PGCKA1: variants seen among roughly 807,000 people sequenced by gnomAD.
PGCKA1 encodes the protein PDCD10 and GCKIII kinases-associated protein 1.
the PGCKA1 span, among the ~76,000 whole-genome samples, chr4:37,564,787 G>A: frequency 1.5e-4 from 23 of 152,090 alleles, no homozygotes; most frequent in Non-Finnish European, 4.4e-5. Context: ...GATTAAAGGT[G>A]CGAGCCACTG....
At chr4:37,468,049 G>A in the PGCKA1 span, among the ~76,000 whole-genome samples, 2 of 152,326 alleles carry the variant, frequency 1.3e-5, no homozygotes, top group East Asian at 3.9e-4. Flanking sequence ...TGGGTTCAGG[G>A]CATGTCAGTA....
chr4:37,591,499 A>G, the PGCKA1 span: 1 of 152,930 alleles, frequency 6.5e-6, no homozygotes, highest in Non-Finnish European at 1.5e-5. Flanking sequence ...GCATGGCTTA[A>G]CTTCAGGGAC....
chr4:37,500,109 A>G, the PGCKA1 span, among the ~76,000 whole-genome samples: 3 of 151,796 alleles, frequency 2.0e-5, no homozygotes, highest in Admixed American at 2.0e-4. Flanking sequence ...CATTTTTAGT[A>G]GAGACAGGGT....
At chr4:37,456,939 A>G in the PGCKA1 span, among the ~76,000 whole-genome samples, 2 of 152,262 alleles carry the variant, frequency 1.3e-5, no homozygotes, top group Non-Finnish European at 2.9e-5. Context: ...GTAAGAACCC[A>G]TTAATTGACT....
At chr4:37,533,374 T>C in the PGCKA1 span, among the ~76,000 whole-genome samples, 1 of 152,224 alleles carries the variant, frequency 6.6e-6, no homozygotes, top group African/African-American at 2.4e-5. Context: ...ACTTCTACCC[T>C]GTACCACTCT....
the PGCKA1 span, among the ~76,000 whole-genome samples, chr4:37,491,683 C>T: frequency 3.9e-5 from 6 of 152,100 alleles, no homozygotes; most frequent in African/African-American, 1.4e-4. Context: ...ACTGGGCACT[C>T]AGTGGTCCTT....
the PGCKA1 span, among the ~76,000 whole-genome samples, chr4:37,526,488 A>G: frequency 6.6e-6 from 1 of 151,920 alleles, no homozygotes; most frequent in African/African-American, 2.4e-5. Flanking sequence ...TTCTCATATC[A>G]ATTCACAGCT....
the PGCKA1 span, among the ~76,000 whole-genome samples, chr4:37,468,738 G>A: frequency 8.1e-6 from 1 of 123,096 alleles, no homozygotes; most frequent in African/African-American, 2.7e-5. Context: ...TTTAGACTCT[G>A]TATACCCCCC....
chr4:37,517,980 T>A, the PGCKA1 span, among the ~76,000 whole-genome samples: 1 of 152,214 alleles, frequency 6.6e-6, no homozygotes, highest in African/African-American at 2.4e-5. Flanking sequence ...TTGTTTTGAT[T>A]TTTAGATCCC....
At chr4:37,530,248 TTTG>T in the PGCKA1 span, among the ~76,000 whole-genome samples, 108 of 152,282 alleles carry the variant, frequency 7.1e-4, no homozygotes, top group African/African-American at 2.5e-3. Context: ...TCTTCACTTT[TTTG>T]TTGTTGTTTT....
chr4:37,475,815 G>A, the PGCKA1 span, among the ~76,000 whole-genome samples: 1,231 of 151,982 alleles, frequency 8.1e-3, 22 homozygotes, highest in African/African-American at 0.029. Context: ...TTTAACTAGG[G>A]CATAAGGAAT....
the PGCKA1 span, among the ~76,000 whole-genome samples, chr4:37,491,145 C>G: frequency 6.6e-6 from 1 of 152,198 alleles, no homozygotes; most frequent in Non-Finnish European, 1.5e-5. Flanking sequence ...CCACCTTCCT[C>G]AAACCACTTT....
At chr4:37,563,320 G>C in the PGCKA1 span, among the ~76,000 whole-genome samples, 1 of 152,116 alleles carries the variant, frequency 6.6e-6, no homozygotes, top group Non-Finnish European at 1.5e-5. Flanking sequence ...TTCGATTCCC[G>C]GGAGAGCTCT....
At chr4:37,540,012 ATAAAAAT>A in the PGCKA1 span, among the ~76,000 whole-genome samples, 2 of 152,256 alleles carry the variant, frequency 1.3e-5, no homozygotes, top group African/African-American at 4.8e-5. Context: ...TGTGAAAAAA[ATAAAAAT>A]TAAAAACCAC....
the PGCKA1 span, among the ~76,000 whole-genome samples, chr4:37,492,902 G>C: frequency 2.0e-5 from 3 of 152,074 alleles, no homozygotes; most frequent in African/African-American, 4.8e-5. This position sits in a 1 kb window ranked among gnomAD's most constrained non-coding sequence, Gnocchi z 4.7. Context: ...CTGTAAATTG[G>C]TGCCACTGCC....
the PGCKA1 span, among the ~76,000 whole-genome samples, chr4:37,497,046 ACTCTG>A: frequency 1.3e-5 from 2 of 152,034 alleles, no homozygotes; most frequent in Admixed American, 6.6e-5. Flanking sequence ...TGAGCAGTAT[ACTCTG>A]CACCACAAAT....
At chr4:37,544,128 C>T in the PGCKA1 span, among the ~76,000 whole-genome samples, 1 of 152,112 alleles carries the variant, frequency 6.6e-6, no homozygotes, top group Non-Finnish European at 1.5e-5. Flanking sequence ...CTTTATCCTA[C>T]CCTCTCACTT....
chr4:37,570,593 C>G, the PGCKA1 span, among the ~76,000 whole-genome samples: 92 of 152,274 alleles, frequency 6.0e-4, no homozygotes, highest in Middle Eastern at 3.4e-3. Flanking sequence ...CTTCTTGGGT[C>G]AGGACCTCAG....
At chr4:37,509,331 C>A in the PGCKA1 span, among the ~76,000 whole-genome samples, 10 of 131,048 alleles carry the variant, frequency 7.6e-5, 1 homozygote, top group Admixed American at 6.7e-4. Context: ...GACAGGGCGG[C>A]CGGGCAGAGA....
Sources: allele counts gnomAD v4.1 joint callset (sites outside exome capture counted in the v4.1 genomes callset), GRCh38; gene constraint gnomAD v4.1.1; non-coding constraint Gnocchi (gnomAD v3.1); transcripts MANE v1.5; gene names NCBI Gene and HGNC (gene_info 2026-07-23, HGNC 2026-07-21).